The following IL7 variants were observed in gnomAD, a reference collection of about 807,000 sequenced individuals.
IL7 encodes the protein interleukin 7, also known as interleukin-7.
In IL7, 3 loss-of-function variants were observed where a neutral mutation model predicts 21.6. The ratio of observed to expected loss-of-function variants is 0.14; its 90% CI spans 0.06 to 0.36. IL7 has a LOEUF of 0.36. Ranked by LOEUF, IL7 falls within the 10% of genes least tolerant of loss-of-function variation. IL7 has a pLI of 1.00. For synonymous variants in IL7, 62 were observed against 68.1 expected (o/e 0.91, Z 0.44); for missense variants, 175 against 200.2 (o/e 0.87, Z 0.76).
chr8:78,759,681 C>A (rs916279863), intron 2 of IL7, among the ~76,000 whole-genome samples: 1 of 152,182 alleles, frequency 6.6e-6, no homozygotes, highest in African/African-American at 2.4e-5. Flanking sequence ...CTGGTAATTT[C>A]TTGCAACTGT....
chr8:78,754,907 C>G (rs1812298347), intron 2 of IL7, among the ~76,000 whole-genome samples: 1 of 152,020 alleles, frequency 6.6e-6, no homozygotes, highest in Non-Finnish European at 1.5e-5. Flanking sequence ...ATATCTTTCC[C>G]TAAAAATGTT....
chr8:78,706,647 G>T (rs1265635723), intron 3 of IL7, among the ~76,000 whole-genome samples: 2 of 152,054 alleles, frequency 1.3e-5, no homozygotes, highest in Non-Finnish European at 2.9e-5. Flanking sequence ...TCCTTGATTA[G>T]TCCCAATGCA....
intron 2 of IL7, among the ~76,000 whole-genome samples, chr8:78,790,013 A>G (rs1813632738): frequency 6.6e-6 from 1 of 152,140 alleles, no homozygotes; most frequent in Non-Finnish European, 1.5e-5. Flanking sequence ...AGAAATGTAG[A>G]CCTCAGGCTA....
chr8:78,783,997 G>T (rs1394956072), intron 2 of IL7, among the ~76,000 whole-genome samples: 2 of 152,122 alleles, frequency 1.3e-5, no homozygotes, highest in Non-Finnish European at 2.9e-5. Flanking sequence ...AACCAATAGT[G>T]AGAAGTCACT....
chr8:78,697,305 G>C (rs1810454017), intron 3 of IL7: 2 of 910,062 alleles, frequency 2.2e-6, no homozygotes, highest in Non-Finnish European at 3.2e-6. Context: ...CATCTTGTAA[G>C]GCTGAAATCC....
At chr8:78,751,613 C>T (rs1445746487) in intron 2 of IL7, among the ~76,000 whole-genome samples, 1 of 152,088 alleles carries the variant, frequency 6.6e-6, no homozygotes, top group Admixed American at 6.6e-5. Context: ...CTTATTTTTA[C>T]TTTTTTTCCT....
At chr8:78,798,268 G>T in intron 1 of IL7, 60 bp from the exon 2 acceptor site, 1 of 1,203,088 alleles carries the variant, frequency 8.3e-7, no homozygotes, top group South Asian at 1.5e-5. Context: ...TTTGATTGTG[G>T]GGTTTCAATG....
intron 2 of IL7, among the ~76,000 whole-genome samples, chr8:78,744,640 G>T (rs182439712): frequency 1.8e-3 from 271 of 152,226 alleles, no homozygotes; most frequent in South Asian, 6.4e-3. Flanking sequence ...CTTTCCTAAG[G>T]GTATGCACAA....
intron 3 of IL7, among the ~76,000 whole-genome samples, chr8:78,694,235 T>C (rs951451036): frequency 6.6e-6 from 1 of 152,154 alleles, no homozygotes; most frequent in African/African-American, 2.4e-5. Context: ...GTTTGTAATG[T>C]GTGTCTGATA....
chr8:78,752,464 C>T (rs945240571), intron 2 of IL7, among the ~76,000 whole-genome samples: 1 of 152,178 alleles, frequency 6.6e-6, no homozygotes, highest in East Asian at 1.9e-4. Context: ...AATAGCCATT[C>T]TGACAGGTGT....
chr8:78,717,215 A>T, downstream of IL7: 1 of 978,768 alleles, frequency 1.0e-6, no homozygotes, highest in Non-Finnish European at 1.4e-6. Context: ...GAGGAATATT[A>T]AAAACGAGAT....
intron 3 of IL7, among the ~76,000 whole-genome samples, chr8:78,721,745 C>T (rs1031228725): frequency 6.6e-6 from 1 of 151,876 alleles, no homozygotes; most frequent in Admixed American, 6.6e-5. Context: ...ATAGATCATA[C>T]TTTTTGAAAA....
chr8:78,685,272 G>A (rs912022817), intron 4 of IL7, among the ~76,000 whole-genome samples: 8 of 152,118 alleles, frequency 5.3e-5, no homozygotes, highest in Admixed American at 2.6e-4. Context: ...AAAAATAAGC[G>A]AAATTTGATT....
chr8:78,750,716 C>A (rs1812138824), intron 2 of IL7, among the ~76,000 whole-genome samples: 1 of 152,104 alleles, frequency 6.6e-6, no homozygotes, highest in Non-Finnish European at 1.5e-5. Context: ...CCCAGCTACT[C>A]AGGAGGCTGA....
chr8:78,717,644 A>G, downstream of IL7: 1 of 771,992 alleles, frequency 1.3e-6, no homozygotes, highest in Non-Finnish European at 2.0e-6. Flanking sequence ...TGGCTATATA[A>G]TGTGTGTATG....
intron 3 of IL7, among the ~76,000 whole-genome samples, chr8:78,691,764 C>G (rs961597744): frequency 6.6e-6 from 1 of 151,938 alleles, no homozygotes; most frequent in Non-Finnish European, 1.5e-5. Context: ...TTTGACTTAC[C>G]CATATCTATG....
intron 2 of IL7, among the ~76,000 whole-genome samples, chr8:78,776,623 G>T (rs1261444204): frequency 6.6e-6 from 1 of 152,062 alleles, no homozygotes; most frequent in Non-Finnish European, 1.5e-5. Context: ...AGAGAGCATT[G>T]TTGCAGACAT....
chr8:78,745,926 A>G (rs930700139), intron 2 of IL7, among the ~76,000 whole-genome samples: 7 of 152,206 alleles, frequency 4.6e-5, no homozygotes, highest in Admixed American at 2.6e-4. Context: ...CTCTGCCTCC[A>G]TCTTCACATC....
chr8:78,750,865 A>T (rs1414375669), intron 2 of IL7, among the ~76,000 whole-genome samples: 1 of 152,184 alleles, frequency 6.6e-6, no homozygotes, highest in Non-Finnish European at 1.5e-5. Flanking sequence ...ATATGCTCAG[A>T]GCTGTCAGAG....
Sources: gnomAD v4.1 joint callset for allele counts (sites outside exome capture counted in the v4.1 genomes callset) on GRCh38, gnomAD v4.1.1 for gene constraint, MANE v1.5 for transcripts, NCBI Gene and HGNC (gene_info 2026-07-23, HGNC 2026-07-21) for gene names.